Variants in TIAM1 observed in about 807,000 individuals in gnomAD.
TIAM1 encodes rho guanine nucleotide exchange factor TIAM1.
TIAM1 carries 65 observed loss-of-function variants against 163.5 expected under a neutral mutation model. The ratio of observed to expected loss-of-function variants is 0.40; its 90% CI spans 0.33 to 0.49. The LOEUF is 0.49. Among genes scored for constraint, TIAM1 ranks in the 20% least tolerant of loss-of-function variants. The probability of loss-of-function intolerance (pLI) is 0.77; values close to 1 mark genes in which losing one functional copy is unlikely to be tolerated. For missense variants in TIAM1, 1,789 were observed against 2,044.7 expected (o/e 0.87, Z 2.41); for synonymous variants, 833 against 810.1 (o/e 1.03, Z -0.48).
At chr21:31,214,319 T>A (rs1364625500) in intron 9 of TIAM1, among the ~76,000 whole-genome samples, 1 of 151,056 alleles carries the variant, frequency 6.6e-6, no homozygotes, top group Non-Finnish European at 1.5e-5. Flanking sequence ...ACTGAGACCT[T>A]GTCTCAAAAA....
chr21:31,365,377 T>G (rs1229986051), intron 2 of TIAM1, among the ~76,000 whole-genome samples: 1 of 138,350 alleles, frequency 7.2e-6, no homozygotes, highest in Non-Finnish European at 1.6e-5. Context: ...TGTGTCTCAC[T>G]TATTTCTTTC....
chr21:31,399,576 C>T (rs901322281), intron 2 of TIAM1, among the ~76,000 whole-genome samples: 2 of 152,102 alleles, frequency 1.3e-5, no homozygotes, highest in African/African-American at 4.8e-5. Context: ...GCAAAGGTTG[C>T]AAAATGTGAA....
intron 1 of TIAM1, among the ~76,000 whole-genome samples, chr21:31,499,755 C>G (rs1003570598): frequency 6.6e-6 from 1 of 151,906 alleles, no homozygotes; most frequent in Non-Finnish European, 1.5e-5. Flanking sequence ...GAGGCTGAGG[C>G]AGGAGAATTG....
chr21:31,135,516 A>G (rs978980515), intron 23 of TIAM1, among the ~76,000 whole-genome samples: 1 of 152,194 alleles, frequency 6.6e-6, no homozygotes, highest in Non-Finnish European at 1.5e-5. Flanking sequence ...AACAGCAACA[A>G]AGTCAGGAAG....
At chr21:31,342,961 G>A (rs1054593957) in intron 1 of TIAM1, among the ~76,000 whole-genome samples, 1 of 152,082 alleles carries the variant, frequency 6.6e-6, no homozygotes, top group Non-Finnish European at 1.5e-5. Flanking sequence ...ATTCCGCTTC[G>A]ATATAAGAAA....
intron 1 of TIAM1, among the ~76,000 whole-genome samples, chr21:31,514,638 A>G (rs1024678164): frequency 1.3e-5 from 2 of 152,016 alleles, no homozygotes; most frequent in African/African-American, 4.8e-5. Flanking sequence ...GATTGCAGTG[A>G]GCCAAGATTG....
At chr21:31,232,970 G>A (rs1054401310) in intron 6 of TIAM1, among the ~76,000 whole-genome samples, 1 of 152,126 alleles carries the variant, frequency 6.6e-6, no homozygotes, top group Non-Finnish European at 1.5e-5. Flanking sequence ...AATATAATCA[G>A]CAAAAAAATG....
chr21:31,337,656 C>T (rs1387878691), intron 2 of TIAM1, among the ~76,000 whole-genome samples: 2 of 151,776 alleles, frequency 1.3e-5, no homozygotes, highest in Non-Finnish European at 2.9e-5. Flanking sequence ...CTCAGCCTCC[C>T]GCGTAGCTGA....
chr21:31,259,998 G>T (rs1007100084), intron 4 of TIAM1, among the ~76,000 whole-genome samples: 3 of 151,564 alleles, frequency 2.0e-5, no homozygotes, highest in Non-Finnish European at 4.4e-5. Flanking sequence ...GAGTGCAGTG[G>T]TGTGATCTAG....
rs113590922 is a variant in TIAM1, at chr21:31,402,881, G to A, written c.-369+61102C>T. The stretch of plus-strand genomic sequence containing the variant: ...GCAGGAGAATGGCGTGAACCTGGGA[G>A]GCAGAGCTTGCAGTAAGCCAAGATC... On this transcript the variant is annotated intron_variant, in intron 2 of 28. Transcript: ENST00000286827. Among the ~76,000 whole-genome samples, 410 of 152,214 alleles carry A rather than the reference G, an allele frequency of 2.7e-3. 5 individuals carry two copies. The highest frequency in any genetic ancestry group is 9.3e-3 in the African/African-American group (388 of 41,564).
chr21:31,355,689 C>G (rs2147125025), intron 2 of TIAM1, among the ~76,000 whole-genome samples: 1 of 152,080 alleles, frequency 6.6e-6, no homozygotes, highest in Non-Finnish European at 1.5e-5. Context: ...GTAGCTGGGA[C>G]TACAGGCGCG....
chr21:31,427,948 C>A (rs530549979), intron 2 of TIAM1, among the ~76,000 whole-genome samples: 36 of 152,118 alleles, frequency 2.4e-4, no homozygotes, highest in African/African-American at 8.0e-4. Flanking sequence ...AACCAAAAAC[C>A]ATCCCAAAAA....
At chr21:31,476,861 A>G (rs1424963172) in intron 1 of TIAM1, among the ~76,000 whole-genome samples, 1 of 152,204 alleles carries the variant, frequency 6.6e-6, no homozygotes, top group Non-Finnish European at 1.5e-5. Flanking sequence ...TTGATTGTAT[A>G]TAATTGTTAA....
At chr21:31,235,994 G>T (rs561765346) in intron 6 of TIAM1, among the ~76,000 whole-genome samples, 166 of 152,338 alleles carry the variant, frequency 1.1e-3, no homozygotes, top group Non-Finnish European at 2.1e-3. Flanking sequence ...AGGTCCCATA[G>T]TTTGGAGGGC....
chr21:31,537,671 G>A (rs530700173), intron 1 of TIAM1, among the ~76,000 whole-genome samples: 5 of 151,680 alleles, frequency 3.3e-5, no homozygotes, highest in Admixed American at 6.6e-5. Context: ...AGAATTGCTC[G>A]AACCTGGAAG....
At chr21:31,160,493 A>G (rs1048950016) in intron 16 of TIAM1, 5 of 398,542 alleles carry the variant, frequency 1.3e-5, no homozygotes, top group African/African-American at 4.1e-5. Flanking sequence ...CATTGTTTTC[A>G]ATCCTGGGCT....
intron 2 of TIAM1, among the ~76,000 whole-genome samples, chr21:31,387,195 C>CTCTTTTTTT (rs759122075): frequency 2.4e-4 from 18 of 75,160 alleles, no homozygotes; most frequent in African/African-American, 3.9e-4. Flanking sequence ...AGCTTATTCT[C>CTCTTTTTTT]TTTTTTTTTT....
intron 2 of TIAM1, among the ~76,000 whole-genome samples, chr21:31,286,510 C>A (rs980971198): frequency 6.6e-6 from 1 of 151,920 alleles, no homozygotes; most frequent in Non-Finnish European, 1.5e-5. Context: ...AAGTTCAAGA[C>A]CAGCCTGGGA....
intron 2 of TIAM1, among the ~76,000 whole-genome samples, chr21:31,455,174 G>A (rs2045041617): frequency 6.6e-6 from 1 of 151,634 alleles, no homozygotes; most frequent in Admixed American, 6.6e-5. Context: ...AGATACTTGG[G>A]TGGCTGAGGC....
Sources: allele counts gnomAD v4.1 joint callset (sites outside exome capture counted in the v4.1 genomes callset), GRCh38; gene constraint gnomAD v4.1.1; transcripts MANE v1.5; gene names NCBI Gene and HGNC (gene_info 2026-07-23, HGNC 2026-07-21).